PDGFRL: variants seen among roughly 807,000 people sequenced by gnomAD.
PDGFRL encodes platelet derived growth factor receptor like.
In PDGFRL, 46 loss-of-function variants were observed where a neutral mutation model predicts 37.2. The ratio of observed to expected loss-of-function variants is 1.24; its 90% confidence interval spans 0.98 to 1.58. PDGFRL has a LOEUF of 1.58. Among genes scored for constraint, PDGFRL ranks in the 40% most tolerant of loss-of-function variants. The pLI is 0.00. For synonymous variants in PDGFRL, 251 were observed against 184.3 expected (o/e 1.36, Z -2.93); for missense variants, 692 against 467.6 (o/e 1.48, Z -4.43).
intron 2 of PDGFRL, among the ~76,000 whole-genome samples, chr8:17,617,271 C>G (rs1413332436): frequency 6.6e-6 from 1 of 152,198 alleles, no homozygotes; most frequent in African/African-American, 2.4e-5. Flanking sequence ...TTGGCGTGTT[C>G]AGAGCTGCTT....
At chr8:17,584,835 C>T (rs750333852) in intron 1 of PDGFRL, among the ~76,000 whole-genome samples, 1 of 151,752 alleles carries the variant, frequency 6.6e-6, no homozygotes, top group Non-Finnish European at 1.5e-5. Context: ...GGAGTGAGTC[C>T]ATAGAAGTAA....
upstream of PDGFRL, chr8:17,577,163 C>G: frequency 6.5e-7 from 1 of 1,544,058 alleles, no homozygotes; most frequent in South Asian, 1.2e-5. Context: ...TTCGGCGTCC[C>G]AGGAGCCCGC....
intron 2 of PDGFRL, among the ~76,000 whole-genome samples, chr8:17,605,623 A>G (rs1423405536): frequency 6.6e-6 from 1 of 152,158 alleles, no homozygotes; most frequent in African/African-American, 2.4e-5. Context: ...AATATAACCA[A>G]TCAATGCTGG....
intron 5 of PDGFRL, among the ~76,000 whole-genome samples, chr8:17,636,948 T>C (rs559763901): frequency 1.1e-4 from 16 of 152,340 alleles, no homozygotes; most frequent in African/African-American, 3.4e-4. Flanking sequence ...AGCTACTGAT[T>C]TGTTTACATT....
In PDGFRL at chr8:17,629,268, C is replaced by A. The variant is rs1050123612; in HGVS notation, c.799+488C>A. 3.9e-5 allele frequency among the ~76,000 whole-genome samples: 6 copies of A among 152,126 alleles called. 1 individual carries two copies. In the South Asian group the frequency reaches 1.0e-3, roughly 26 times the overall value. The stretch of plus-strand genomic sequence containing the variant: ...CTTAAAGGCTTCCCTTCTGCCCCAC[C>A]ACTTCTAGGATGGATGTTCTCCTTC... On this transcript the variant is annotated intron_variant, in intron 4 of 5. Coordinates refer to ENST00000251630, the MANE Select transcript of PDGFRL (RefSeq NM_001372073.1).
chr8:17,586,037 C>T (rs1026356237), intron 1 of PDGFRL, among the ~76,000 whole-genome samples: 20 of 151,906 alleles, frequency 1.3e-4, no homozygotes, highest in African/African-American at 3.4e-4. Flanking sequence ...CTGCAACCTC[C>T]GTGTCCCAGG....
At chr8:17,610,249 T>G (rs1240440766) in intron 2 of PDGFRL, among the ~76,000 whole-genome samples, 2 of 152,178 alleles carry the variant, frequency 1.3e-5, no homozygotes, top group African/African-American at 4.8e-5. Flanking sequence ...GTTTTTCTGA[T>G]GTTACCCACA....
chr8:17,616,268 C>G (rs748378769), intron 2 of PDGFRL, among the ~76,000 whole-genome samples: 1 of 152,036 alleles, frequency 6.6e-6, no homozygotes, highest in African/African-American at 2.4e-5. Context: ...AATCTCAGCT[C>G]ACTGCAACCT....
chr8:17,632,488 C>T (rs1804883809), intron 4 of PDGFRL, among the ~76,000 whole-genome samples: 1 of 152,120 alleles, frequency 6.6e-6, no homozygotes, highest in Non-Finnish European at 1.5e-5. Context: ...CAGGCATGCG[C>T]CACCATGCCC....
intron 5 of PDGFRL, among the ~76,000 whole-genome samples, chr8:17,641,031 A>G (rs889669227): frequency 1.3e-5 from 2 of 151,996 alleles, no homozygotes; most frequent in African/African-American, 4.8e-5. Context: ...CTGCTGTGTC[A>G]TGCAGGTCAC....
chr8:17,617,838 T>C (rs1023709456), intron 2 of PDGFRL, among the ~76,000 whole-genome samples: 2 of 152,132 alleles, frequency 1.3e-5, no homozygotes, highest in African/African-American at 4.8e-5. Context: ...TTTCTATCAC[T>C]ACAGTGCTAG....
intron 2 of PDGFRL, among the ~76,000 whole-genome samples, chr8:17,590,405 G>A (rs1803911503): frequency 6.6e-6 from 1 of 151,296 alleles, no homozygotes; most frequent in African/African-American, 2.4e-5. Flanking sequence ...GCATAGAGAT[G>A]GATGTTTAAA....
At chr8:17,585,147 G>A (rs1484465856) in intron 1 of PDGFRL, among the ~76,000 whole-genome samples, 3 of 152,110 alleles carry the variant, frequency 2.0e-5, no homozygotes, top group Non-Finnish European at 2.9e-5. Flanking sequence ...AGCATATAAT[G>A]ATCAGTGAGG....
At chr8:17,590,989 T>C (rs1803926580) in intron 2 of PDGFRL, among the ~76,000 whole-genome samples, 1 of 151,462 alleles carries the variant, frequency 6.6e-6, no homozygotes, top group Admixed American at 6.6e-5. Context: ...TTCACACCAT[T>C]CTCCTGCCTC....
chr8:17,604,231 C>T (rs1177010756), intron 2 of PDGFRL, among the ~76,000 whole-genome samples: 1 of 152,178 alleles, frequency 6.6e-6, no homozygotes, highest in Non-Finnish European at 1.5e-5. Flanking sequence ...CATCCCATTA[C>T]TGGGTATATA....
At chr8:17,637,722 T>G (rs867934936) in intron 5 of PDGFRL, among the ~76,000 whole-genome samples, 2 of 152,318 alleles carry the variant, frequency 1.3e-5, no homozygotes, top group Non-Finnish European at 2.9e-5. Context: ...TGGCAGTTTT[T>G]TAAATTACCA....
At position 17,628,592 on chromosome 8, in the gene PDGFRL, A is replaced by C; in HGVS notation, c.611A>C (p.Lys204Thr). The change falls in exon 4 of 6, where the codon AAA becomes ACA. Residue 204 changes from lysine (K) to threonine (T), a missense_variant. Coordinates refer to ENST00000251630, the MANE Select transcript of PDGFRL (RefSeq NM_001372073.1). ...VPCRVTVLSA[K>T]VTLHREFPAK... ...TGTCGGGTGACCGTGCTGTCGGCCAAAGTCACGCTCCACAGGGAATTCCCA... is the reference window on the plus strand; with the variant it reads ...TGTCGGGTGACCGTGCTGTCGGCCACAGTCACGCTCCACAGGGAATTCCCA... The C allele has an allele frequency of 6.2e-7, 1 of 1,614,192 alleles. No homozygotes were observed. Among genetic ancestry groups the C allele is most frequent in the Non-Finnish European group, 8.5e-7 (1 of 1,180,028 alleles).
chr8:17,585,752 C>T (rs1803801359), intron 1 of PDGFRL, among the ~76,000 whole-genome samples: 2 of 152,264 alleles, frequency 1.3e-5, no homozygotes, highest in Admixed American at 6.5e-5. Context: ...ATCCAGGCTG[C>T]AGTCAATGAT....
chr8:17,601,666 G>A (rs527578433), intron 2 of PDGFRL, among the ~76,000 whole-genome samples: 3 of 152,072 alleles, frequency 2.0e-5, no homozygotes, highest in Non-Finnish European at 4.4e-5. Context: ...TCCTGTCTTT[G>A]TGTCGAGGTG....
Sources: allele counts gnomAD v4.1 joint callset (sites outside exome capture counted in the v4.1 genomes callset), GRCh38; gene constraint gnomAD v4.1.1; transcripts MANE v1.5; gene names NCBI Gene and HGNC (gene_info 2026-07-23, HGNC 2026-07-21).